Variants in SCUBE1 observed in about 807,000 individuals in gnomAD.
SCUBE1 encodes signal peptide, CUB domain and EGF like domain containing 1, also known as signal peptide, CUB and EGF-like domain-containing protein 1.
SCUBE1 carries 59 observed loss-of-function variants against 124.4 expected under a neutral mutation model. The observed-to-expected ratio is 0.47, with a 90% CI of 0.38 to 0.59. The LOEUF (loss-of-function observed/expected upper bound fraction) is 0.59, where lower values mean the gene tolerates loss of function less well. Ranked by LOEUF, SCUBE1 falls within the 20% of genes least tolerant of loss-of-function variation. The pLI is 0.00. For missense variants in SCUBE1, 1,150 were observed against 1,371.2 expected, an observed-to-expected ratio of 0.84 and a Z score of 2.55; for synonymous variants, 545 against 550.9, an observed-to-expected ratio of 0.99 and a Z score of 0.15.
intron 7 of SCUBE1, among the ~76,000 whole-genome samples, chr22:43,237,346 C>T (rs1922810906): frequency 6.6e-6 from 1 of 152,254 alleles, no homozygotes; most frequent in Admixed American, 6.5e-5. Flanking sequence ...CCCATTCCAA[C>T]AGCCCCAGCC....
rs535406642 is a variant in SCUBE1 at position 43,312,491 on chromosome 22, G to A, written c.349+7446C>T. Among the ~76,000 whole-genome samples, 234 of 152,310 alleles carry A rather than the reference G, an allele frequency of 1.5e-3. 2 individuals carry two copies. Among genetic ancestry groups the A allele is most frequent in the Non-Finnish European group, 5.0e-4 (34 of 68,032 alleles). On this transcript the variant is annotated intron_variant, in intron 3 of 21. Coordinates refer to ENST00000360835, the MANE Select transcript of SCUBE1 (RefSeq NM_173050.5). ...AAGCAAGGGTGAGAAATGGGGTTGGGGGGAGGCTGGTGGGGCCCTGGCCAG... is the reference window on the plus strand; with the variant it reads ...AAGCAAGGGTGAGAAATGGGGTTGGAGGGAGGCTGGTGGGGCCCTGGCCAG...
intron 8 of SCUBE1, among the ~76,000 whole-genome samples, chr22:43,230,968 C>A (rs1922527625): frequency 6.6e-6 from 1 of 152,194 alleles, no homozygotes; most frequent in Non-Finnish European, 1.5e-5. Context: ...GGGCAAAAAA[C>A]CACCAGAGCA....
chr22:43,308,952 T>C (rs1018459732), intron 3 of SCUBE1, among the ~76,000 whole-genome samples: 1 of 152,260 alleles, frequency 6.6e-6, no homozygotes, highest in African/African-American at 2.4e-5. Context: ...GAAGTCGCGA[T>C]GTCACATGAC....
intron 21 of SCUBE1, among the ~76,000 whole-genome samples, chr22:43,206,397 G>A (rs917687195): frequency 2.0e-5 from 3 of 150,996 alleles, no homozygotes; most frequent in African/African-American, 4.9e-5. Context: ...CCCACCCCCC[G>A]CACACACACA....
intron 9 of SCUBE1, 35 bp downstream of exon 9, chr22:43,229,037 G>T: frequency 6.8e-7 from 1 of 1,474,062 alleles, no homozygotes; most frequent in Admixed American, 1.7e-5. Flanking sequence ...CGCGTGCCTC[G>T]GGGGGGAGGT....
At chr22:43,226,963 T>C (rs935050326) in intron 10 of SCUBE1, among the ~76,000 whole-genome samples, 8 of 151,958 alleles carry the variant, frequency 5.3e-5, no homozygotes, top group Non-Finnish European at 8.8e-5. Context: ...GTGACCCTCC[T>C]CCTCCCCCTC....
intron 3 of SCUBE1, among the ~76,000 whole-genome samples, chr22:43,294,887 A>G (rs945584691): frequency 6.6e-6 from 1 of 152,164 alleles, no homozygotes; most frequent in Non-Finnish European, 1.5e-5. Context: ...CACTACCATA[A>G]ATAACGGCAA....
chr22:43,255,581 A>AGG lies in SCUBE1; in HGVS notation c.727+2637_727+2638insCC. 1.3e-6 allele frequency: 2 copies of AGG among 1,549,932 alleles called. No individual in the cohort carries two copies. Among genetic ancestry groups the AGG allele is most frequent in the Non-Finnish European group, 1.7e-6 (2 of 1,146,530 alleles). On this transcript the variant is annotated intron_variant, in intron 6 of 21. Coordinates refer to ENST00000360835, the MANE Select transcript of SCUBE1 (RefSeq NM_173050.5). The surrounding 1 kb of genome is among the most constrained non-coding windows in gnomAD (Gnocchi z 4.7). ...TCAATTGCAGCCTCATCCTTCTCTA[A>AGG]AACACAAGTAAGGGACAAACACGGA... is the stretch of plus-strand genomic sequence containing the variant.
At chr22:43,243,968 G>A (rs56660379) in intron 6 of SCUBE1, among the ~76,000 whole-genome samples, 6,658 of 152,214 alleles carry the variant, frequency 0.044, 500 homozygotes, top group African/African-American at 0.15. Flanking sequence ...GCTAGGATGC[G>A]CCTTGGACAC....
At position 43,281,516 on chromosome 22, in the gene SCUBE1, CCACCCTCCTGTCACCTCCCTCAGT is replaced by C. The variant is rs1352338966; in HGVS notation, c.484+9506_484+9529del. On this transcript the variant is annotated intron_variant, in intron 4 of 21. Transcript: ENST00000360835. ...CACCCTCCTGTCACCTCCTCCTCAG[CCACCCTCCTGTCACCTCCCTCAGT>C]CACCCTCCTGTCACCTCCCCCTCAG... is the stretch of plus-strand genomic sequence containing the variant. Among the ~76,000 whole-genome samples, 713 of 83,686 alleles carry C rather than the reference CCACCCTCCTGTCACCTCCCTCAGT, an allele frequency of 8.5e-3. 52 individuals carry two copies. The highest frequency in any genetic ancestry group is 0.025 in the African/African-American group (433 of 17,234). 54.9% of individuals were successfully genotyped at this position (83,686 alleles called of 152,430 possible).
intron 2 of SCUBE1, among the ~76,000 whole-genome samples, chr22:43,336,325 C>A (rs911878879): frequency 6.6e-6 from 1 of 152,134 alleles, no homozygotes; most frequent in African/African-American, 2.4e-5. Flanking sequence ...CAAGATGACA[C>A]CAGGGCCAGA....
intron 3 of SCUBE1, among the ~76,000 whole-genome samples, chr22:43,308,805 C>T (rs937851340): frequency 1.2e-4 from 18 of 152,270 alleles, no homozygotes; most frequent in African/African-American, 4.1e-4. Context: ...GCCTCAAGTG[C>T]CACTTGCACA....
At chr22:43,319,436 G>A (rs1245151858) in intron 3 of SCUBE1, among the ~76,000 whole-genome samples, 5 of 151,396 alleles carry the variant, frequency 3.3e-5, no homozygotes, top group Non-Finnish European at 5.9e-5. Context: ...GTGGTGGCAC[G>A]CCTGTAATCC....
intron 2 of SCUBE1, 100 bp downstream of exon 2, chr22:43,339,004 G>A: frequency 2.2e-6 from 3 of 1,385,796 alleles, no homozygotes; most frequent in Non-Finnish European, 3.0e-6. Context: ...GGTGGTGCTG[G>A]AGGCTCAGCC....
At position 43,234,849 on chromosome 22, in the gene SCUBE1, C is replaced by A. The variant is rs6003119; in HGVS notation, c.845-2974G>T. Among the ~76,000 whole-genome samples the A allele has an allele frequency of 7.2e-5, 11 of 152,328 alleles. No individual in the cohort carries two copies. The highest frequency in any genetic ancestry group is 2.6e-4 in the African/African-American group (11 of 41,572). ...TCCCAGAGCTTCCCTTCCAGCCCGG[C>A]CAGGCTGCTTTGCCTCCTTTCTCCA... is the stretch of plus-strand genomic sequence containing the variant. On this transcript the variant is annotated intron_variant, in intron 7 of 21. Transcript: ENST00000360835. The surrounding 1 kb of genome is among the most constrained non-coding windows in gnomAD (Gnocchi z 4.4).
chr22:43,254,779 C>T (rs552602742), intron 6 of SCUBE1, among the ~76,000 whole-genome samples: 25 of 152,352 alleles, frequency 1.6e-4, no homozygotes, highest in Non-Finnish European at 2.8e-4. Context: ...ACAGCAGAAC[C>T]GACTGATAGA....
At chr22:43,292,912 A>G (rs1925419941) in intron 3 of SCUBE1, among the ~76,000 whole-genome samples, 1 of 152,258 alleles carries the variant, frequency 6.6e-6, no homozygotes. Context: ...GGTTACAGCT[A>G]AAATGGTAGA....
At chr22:43,291,008 G>A (rs74600989) in intron 4 of SCUBE1, 38 bp downstream of exon 4, 8 of 1,511,248 alleles carry the variant, frequency 5.3e-6, no homozygotes, top group Middle Eastern at 2.1e-4. Context: ...TGCCCATCCT[G>A]GGGGGGGACA....
chr22:43,284,472 C>G (rs1925051989), intron 4 of SCUBE1, among the ~76,000 whole-genome samples: 2 of 152,238 alleles, frequency 1.3e-5, no homozygotes, highest in African/African-American at 4.8e-5. Flanking sequence ...TGAGTCTCAC[C>G]ATACTTGGGC....
Sources: gnomAD v4.1 joint callset for allele counts (sites outside exome capture counted in the v4.1 genomes callset) on GRCh38, gnomAD v4.1.1 for gene constraint, Gnocchi (gnomAD v3.1) non-coding constraint, MANE v1.5 for transcripts, NCBI Gene and HGNC (gene_info 2026-07-23, HGNC 2026-07-21) for gene names.